The following STXBP5L variants were observed in gnomAD, a reference collection of about 807,000 sequenced individuals.
STXBP5L encodes syntaxin binding protein 5L, also known as syntaxin-binding protein 5-like.
Under a neutral mutation model 144.5 loss-of-function variants are expected in STXBP5L, and 65 were observed. The observed-to-expected ratio is 0.45, with a 90% CI of 0.37 to 0.55. STXBP5L has a LOEUF of 0.55. STXBP5L is among the 20% of genes least tolerant of loss of function. STXBP5L has a pLI of 0.00. For missense variants in STXBP5L, 1,298 were observed against 1,405.5 expected (o/e 0.92, Z 1.22); for synonymous variants, 505 against 469.6 (o/e 1.08, Z -0.97).
rs914252759 is a variant in STXBP5L at position 121,129,470 on chromosome 3, A to C, written c.669+7766A>C. 7.9e-5 allele frequency among the ~76,000 whole-genome samples: 12 copies of C among 152,022 alleles called. No homozygotes were observed. In the South Asian group the frequency reaches 2.3e-3, roughly 29 times the overall value. ...TTGAGGTTGGTAATAGTACATCGCT[A>C]TAAAAATAACCAGGTGACAGTCCCA... On this transcript the variant is annotated intron_variant, in intron 7 of 26. Transcript: ENST00000471454.
intron 20 of STXBP5L, among the ~76,000 whole-genome samples, chr3:121,334,209 G>C (rs1424954023): frequency 6.6e-6 from 1 of 152,020 alleles, no homozygotes; most frequent in Non-Finnish European, 1.5e-5. Context: ...TTTGTAAATT[G>C]TCCAGTCTTG....
At chr3:121,051,477 T>C (rs905532799) in intron 5 of STXBP5L, among the ~76,000 whole-genome samples, 4 of 152,192 alleles carry the variant, frequency 2.6e-5, no homozygotes, top group African/African-American at 9.7e-5. Flanking sequence ...AACCTGCTCC[T>C]GAATGACTAC....
intron 20 of STXBP5L, among the ~76,000 whole-genome samples, chr3:121,342,949 T>G (rs1304497153): frequency 6.6e-6 from 1 of 150,388 alleles, no homozygotes; most frequent in African/African-American, 2.5e-5. Flanking sequence ...TTGAACTAGT[T>G]TACAGTCCCA....
intron 19 of STXBP5L, among the ~76,000 whole-genome samples, chr3:121,310,950 A>T (rs1351412261): frequency 1.3e-5 from 2 of 152,152 alleles, no homozygotes; most frequent in Non-Finnish European, 2.9e-5. Context: ...AAGATAAATC[A>T]CATACTGAAA....
In STXBP5L at chr3:121,093,865, G is replaced by A. The variant is rs569386568; in HGVS notation, c.471-21060G>A. Among the ~76,000 whole-genome samples the A allele has an allele frequency of 1.1e-4, 17 of 152,210 alleles. 1 individual carries two copies. In the East Asian group the frequency reaches 2.3e-3, roughly 21 times the overall value. On this transcript the variant is annotated intron_variant, in intron 5 of 26. Transcript: ENST00000471454. ...TCTAGTTCTTTTAATTGTGATGTTA[G>A]GGTGTCAATTTTGGATCTTTCCTGC...
At chr3:121,095,361 GATA>G (rs2043060997) in intron 5 of STXBP5L, among the ~76,000 whole-genome samples, 1 of 152,096 alleles carries the variant, frequency 6.6e-6, no homozygotes, top group Admixed American at 6.5e-5. Flanking sequence ...AGTTCTCTTG[GATA>G]ATAACCTGCA....
chr3:121,102,674 T>C lies in STXBP5L; in HGVS notation c.471-12251T>C, dbSNP rs147189223. Among the ~76,000 whole-genome samples the C allele has an allele frequency of 2.4e-3, 365 of 152,196 alleles. 2 individuals carry two copies. The highest frequency in any genetic ancestry group is 2.7e-3 in the Admixed American group (41 of 15,278). ...TTTATGACTAGGTCTTCAAAAGCAA[T>C]TACAGCAAAATCAAAAATTGACAAG... On this transcript the variant is annotated intron_variant, in intron 5 of 26. Transcript: ENST00000471454.
intron 3 of STXBP5L, among the ~76,000 whole-genome samples, chr3:121,036,460 C>A (rs1440011717): frequency 1.3e-5 from 2 of 152,058 alleles, no homozygotes; most frequent in Non-Finnish European, 2.9e-5. Context: ...TTCCAGCCTG[C>A]ATGCTTTTTA....
intron 7 of STXBP5L, 89 bp from the exon 8 acceptor site, chr3:121,152,388 T>A: frequency 1.1e-6 from 1 of 932,676 alleles, no homozygotes; most frequent in South Asian, 1.6e-5. Context: ...TTATGTGGTA[T>A]GATTTTACTT....
intron 20 of STXBP5L, among the ~76,000 whole-genome samples, chr3:121,344,325 G>A (rs1007439366): frequency 1.3e-5 from 2 of 152,136 alleles, no homozygotes; most frequent in African/African-American, 2.4e-5. Context: ...TTACCATTCA[G>A]GACATAGGCA....
intron 3 of STXBP5L, among the ~76,000 whole-genome samples, chr3:120,985,735 C>T (rs1295246111): frequency 2.0e-5 from 3 of 151,992 alleles, no homozygotes; most frequent in East Asian, 3.9e-4. Context: ...GCCTTATCAT[C>T]CTTTTTATTT....
chr3:121,163,712 G>A (rs1286577586), intron 9 of STXBP5L, among the ~76,000 whole-genome samples: 1 of 151,846 alleles, frequency 6.6e-6, no homozygotes, highest in Non-Finnish European at 1.5e-5. Context: ...AGGCAGTTTG[G>A]AAGGTTTGAT....
intron 5 of STXBP5L, among the ~76,000 whole-genome samples, chr3:121,090,918 T>TCCCTCCC (rs1483361050): frequency 9.3e-6 from 1 of 107,222 alleles, no homozygotes; most frequent in Non-Finnish European, 1.8e-5. Context: ...CCCAGTGCTA[T>TCCCTCCC]CCCTCCCCCC....
At chr3:121,172,446 G>A (rs1009042576) in intron 9 of STXBP5L, among the ~76,000 whole-genome samples, 4 of 152,092 alleles carry the variant, frequency 2.6e-5, no homozygotes, top group Admixed American at 1.3e-4. Flanking sequence ...TCTGACAAAG[G>A]GCTAATATCT....
intron 19 of STXBP5L, among the ~76,000 whole-genome samples, chr3:121,316,717 A>G (rs1037006632): frequency 6.6e-6 from 1 of 152,232 alleles, no homozygotes; most frequent in Non-Finnish European, 1.5e-5. Context: ...GGCATTCAAT[A>G]AATTTGATTC....
intron 9 of STXBP5L, among the ~76,000 whole-genome samples, chr3:121,166,536 T>C (rs940461985): frequency 1.3e-5 from 2 of 152,242 alleles, no homozygotes; most frequent in African/African-American, 4.8e-5. Flanking sequence ...AATCTTTTGG[T>C]CTTTGGGATA....
chr3:121,063,585 G>A (rs990870525), intron 5 of STXBP5L, among the ~76,000 whole-genome samples: 2 of 152,100 alleles, frequency 1.3e-5, no homozygotes, highest in East Asian at 1.9e-4. Flanking sequence ...CTGAAGCTGC[G>A]CCAACACCCG....
In STXBP5L at chr3:121,049,689, A is replaced by C. The variant is rs866058658; in HGVS notation, c.470+4154A>C. 6 of 154,028 alleles carry C rather than the reference A, an allele frequency of 3.9e-5. No homozygotes were observed. In the Middle Eastern group the frequency reaches 3.1e-3, roughly 80 times the overall value. The allele number at this position is 154,028 out of a possible 1,614,324, so 9.5% of individuals were successfully genotyped here. On this transcript the variant is annotated intron_variant, in intron 5 of 26. Coordinates refer to ENST00000471454, the MANE Select transcript of STXBP5L (RefSeq NM_001308330.2). ...GTGCTGCAGAGACGAGGCCTGTAGCACCTTGCAGGATAAGGTCTACTGGGC... is the reference window on the plus strand; with the variant it reads ...GTGCTGCAGAGACGAGGCCTGTAGCCCCTTGCAGGATAAGGTCTACTGGGC...
At chr3:121,131,472 T>TA (rs1559780898) in intron 7 of STXBP5L, among the ~76,000 whole-genome samples, 1 of 152,146 alleles carries the variant, frequency 6.6e-6, no homozygotes, top group African/African-American at 2.4e-5. Flanking sequence ...AGACTGTTCT[T>TA]AAAAAAAGAT....
Sources: allele counts gnomAD v4.1 joint callset (sites outside exome capture counted in the v4.1 genomes callset), GRCh38; gene constraint gnomAD v4.1.1; transcripts MANE v1.5; gene names NCBI Gene and HGNC (gene_info 2026-07-23, HGNC 2026-07-21).